The following ITSN1 variants were observed in gnomAD, a reference collection of about 807,000 sequenced individuals.
ITSN1 encodes the protein intersectin 1, also known as intersectin-1.
Under a neutral mutation model 239.8 loss-of-function variants are expected in ITSN1, and 58 were observed. The ratio of observed to expected loss-of-function variants is 0.24; its 90% CI spans 0.20 to 0.30. The LOEUF is 0.30. ITSN1 is among the 10% of genes least tolerant of loss of function. The pLI, the probability that ITSN1 is intolerant of heterozygous loss-of-function variation, is 1.00. For missense variants in ITSN1, 1,558 were observed against 2,103.3 expected (o/e 0.74, Z 5.07); for synonymous variants, 780 against 770.8 (o/e 1.01, Z -0.20).
intron 1 of ITSN1, among the ~76,000 whole-genome samples, chr21:33,668,155 T>A (rs1033302239): frequency 6.6e-6 from 1 of 152,216 alleles, no homozygotes; most frequent in African/African-American, 2.4e-5. Flanking sequence ...CCTCTTTACT[T>A]GAGTCTAGCA....
At chr21:33,699,781 GAC>G (rs2091932007) in intron 1 of ITSN1, among the ~76,000 whole-genome samples, 1 of 152,160 alleles carries the variant, frequency 6.6e-6, no homozygotes, top group Non-Finnish European at 1.5e-5. Context: ...TTTATTTAGA[GAC>G]AGTGTCTGAC....
At chr21:33,659,586 T>C (rs1213273885) in intron 1 of ITSN1, among the ~76,000 whole-genome samples, 1 of 152,054 alleles carries the variant, frequency 6.6e-6, no homozygotes, top group Non-Finnish European at 1.5e-5. Context: ...CCTATAGTAT[T>C]TTTGAATACT....
At position 33,797,035 on chromosome 21, in the gene ITSN1, A is replaced by G. The variant is rs2071618179; in HGVS notation, c.1953-344A>G. ...TTCCCTTTGCTGGGGGGAAATTTTT[A>G]CAGTGTTGGGTGTATTTTATTTTTA... On this transcript the variant is annotated intron_variant, in intron 17 of 39. Coordinates refer to ENST00000381318, the MANE Select transcript of ITSN1 (RefSeq NM_003024.3). This position sits in a 1 kb window ranked among gnomAD's most constrained non-coding sequence, Gnocchi z 4.9. Among the ~76,000 whole-genome samples, 1 of 152,218 alleles carries G rather than the reference A, an allele frequency of 6.6e-6. No homozygotes were observed. The highest frequency in any genetic ancestry group is 1.5e-5 in the Non-Finnish European group (1 of 68,034).
intron 20 of ITSN1, among the ~76,000 whole-genome samples, chr21:33,809,914 C>T (rs1469640259): frequency 6.6e-6 from 1 of 152,190 alleles, no homozygotes; most frequent in Non-Finnish European, 1.5e-5. Context: ...CTGCCTCAGC[C>T]TCCCGAGTAG....
chr21:33,700,586 A>G (rs2091964910), intron 1 of ITSN1, among the ~76,000 whole-genome samples: 1 of 152,178 alleles, frequency 6.6e-6, no homozygotes, highest in Admixed American at 6.5e-5. Flanking sequence ...ATGTTCCATT[A>G]TATACAAAAT....
At chr21:33,676,156 T>C (rs576133500) in intron 1 of ITSN1, among the ~76,000 whole-genome samples, 6 of 152,126 alleles carry the variant, frequency 3.9e-5, no homozygotes, top group Admixed American at 2.0e-4. Flanking sequence ...CTAATTTTTG[T>C]ATTTTTAGTA....
At chr21:33,867,037 G>A (rs975422022) in intron 32 of ITSN1, among the ~76,000 whole-genome samples, 196 bp from the exon 33 acceptor site, 1 of 152,002 alleles carries the variant, frequency 6.6e-6, no homozygotes, top group African/African-American at 2.4e-5. Flanking sequence ...TCACATCTGT[G>A]GGTCTCCATT....
At chr21:33,823,450 C>G in intron 24 of ITSN1, 37 bp from the exon 25 acceptor site, 2 of 1,581,668 alleles carry the variant, frequency 1.3e-6, no homozygotes, top group Middle Eastern at 2.0e-4. Context: ...TTTAAACAAT[C>G]AAGCTCTCTC....
At chr21:33,738,463 A>G (rs2066635101) in intron 5 of ITSN1, among the ~76,000 whole-genome samples, 2 of 151,838 alleles carry the variant, frequency 1.3e-5, no homozygotes, top group African/African-American at 2.4e-5. Context: ...GTGCAGTGGC[A>G]TGATCTCGGC....
intron 1 of ITSN1, among the ~76,000 whole-genome samples, chr21:33,684,849 A>T (rs1242731601): frequency 6.6e-6 from 1 of 152,222 alleles, no homozygotes; most frequent in Non-Finnish European, 1.5e-5. Flanking sequence ...AATTTAAGAG[A>T]TTAAATTGCT....
At chr21:33,848,645 A>T (rs1446772512) in intron 29 of ITSN1, among the ~76,000 whole-genome samples, 1 of 152,182 alleles carries the variant, frequency 6.6e-6, no homozygotes, top group East Asian at 1.9e-4. Flanking sequence ...CCTGGTGAGG[A>T]TTCAATGAGT....
intron 5 of ITSN1, among the ~76,000 whole-genome samples, chr21:33,746,838 G>A (rs1240852782): frequency 6.6e-6 from 1 of 151,438 alleles, no homozygotes; most frequent in African/African-American, 2.4e-5. Context: ...GTGAAACTCT[G>A]TCACAGAAAA....
chr21:33,687,123 G>A (rs561832865), intron 1 of ITSN1, among the ~76,000 whole-genome samples: 1 of 152,182 alleles, frequency 6.6e-6, no homozygotes, highest in African/African-American at 2.4e-5. Context: ...CTGAGGTCAG[G>A]AGTTTTGAGA....
In ITSN1 at chr21:33,882,362, C is replaced by T; in HGVS notation, c.4461C>T (p.Leu1487=). ...ELYGFLFNDF[L]LLTQITKPLG... is the part of the protein sequence containing the mutation. ...ATGGCTTCCTTTTCAACGACTTCCT[C>T]CTGCTGACTCAGATCACGAAGCCTT... The change falls in exon 35 of 40, where the codon CTC becomes CTT. Residue 1487 remains leucine, a synonymous_variant. Transcript: ENST00000381318. This position sits in a 1 kb window ranked among gnomAD's most constrained non-coding sequence, Gnocchi z 4.5. 1 of 1,614,222 alleles carries T rather than the reference C, an allele frequency of 6.2e-7. No individual in the cohort carries two copies. The highest frequency in any genetic ancestry group is 8.5e-7 in the Non-Finnish European group (1 of 1,180,044).
chr21:33,804,558 A>G (rs2072257169), intron 20 of ITSN1, among the ~76,000 whole-genome samples: 1 of 152,230 alleles, frequency 6.6e-6, no homozygotes, highest in Admixed American at 6.5e-5. Flanking sequence ...AATGCTTTCA[A>G]TTGAGTCTGA....
rs1204790439 is a variant in ITSN1 at position 33,703,079 on chromosome 21, CTGTCTGTG to C, written c.-32-15714_-32-15707del. Among the ~76,000 whole-genome samples the C allele has an allele frequency of 4.7e-5, 6 of 126,948 alleles. No individual in the cohort carries two copies. In the East Asian group the frequency reaches 1.4e-3, roughly 29 times the overall value. The allele number at this position is 126,948 out of a possible 152,430, so 83.3% of individuals were successfully genotyped here. ...CCAGCCTGGGTGGCTGAGCGAGACT[CTGTCTGTG>C]TGTGTGTGTGTGTGTGTGTGTGTGT... On this transcript the variant is annotated intron_variant, in intron 1 of 39. Coordinates refer to ENST00000381318, the MANE Select transcript of ITSN1 (RefSeq NM_003024.3).
intron 9 of ITSN1, among the ~76,000 whole-genome samples, chr21:33,762,616 A>T (rs1602080792): frequency 1.3e-5 from 2 of 152,110 alleles, no homozygotes; most frequent in South Asian, 4.2e-4. Context: ...TCTACTGCAA[A>T]TATTTTAGCT....
intron 1 of ITSN1, among the ~76,000 whole-genome samples, chr21:33,712,672 G>A (rs1411040866): frequency 1.3e-5 from 2 of 152,150 alleles, no homozygotes; most frequent in Non-Finnish European, 2.9e-5. Context: ...ATAGCTCCCT[G>A]ACTGGGGCCC....
At chr21:33,781,109 G>A (rs2070142712) in intron 14 of ITSN1, among the ~76,000 whole-genome samples, 1 of 152,290 alleles carries the variant, frequency 6.6e-6, no homozygotes, top group East Asian at 1.9e-4. Flanking sequence ...ACAAACAGTA[G>A]GATCACTGCA....
Sources: allele counts gnomAD v4.1 joint callset (sites outside exome capture counted in the v4.1 genomes callset), GRCh38; gene constraint gnomAD v4.1.1; non-coding constraint Gnocchi (gnomAD v3.1); transcripts MANE v1.5; gene names NCBI Gene and HGNC (gene_info 2026-07-23, HGNC 2026-07-21).